The following PCDHA4 variants were observed in gnomAD, a reference collection of about 807,000 sequenced individuals.
The protein encoded by PCDHA4 is protocadherin alpha-4.
A neutral mutation model predicts 61.4 loss-of-function variants in PCDHA4; 49 were observed. The ratio of observed to expected loss-of-function variants is 0.80; its 90% confidence interval spans 0.63 to 1.01. The LOEUF is 1.01. PCDHA4 is among the 50% of genes least tolerant of loss of function. The pLI is 0.00. For synonymous variants in PCDHA4, 590 were observed against 550.3 expected (o/e 1.07, Z -1.01); for missense variants, 1,254 against 1,235.8 (o/e 1.01, Z -0.22).
intron 1 of PCDHA4, chr5:140,816,920 G>A (rs1453114177): frequency 3.9e-5 from 6 of 152,042 alleles, no homozygotes; most frequent in African/African-American, 1.2e-4. Context: ...TATAGATTCT[G>A]CTGAATCCTA....
intron 1 of PCDHA4, chr5:140,967,982 G>T (rs1563372383): frequency 1.9e-6 from 3 of 1,614,224 alleles, no homozygotes; most frequent in Non-Finnish European, 2.5e-6. Context: ...GGGTCTGGAG[G>T]CCACACTGCC....
At chr5:140,850,964 C>T in intron 1 of PCDHA4, 2 of 1,468,876 alleles carry the variant, frequency 1.4e-6, no homozygotes, top group Non-Finnish European at 1.8e-6. Flanking sequence ...TCCCAGGGGC[C>T]GTTCAAATAG....
intron 1 of PCDHA4, chr5:140,928,243 G>A: frequency 6.2e-7 from 1 of 1,614,202 alleles, no homozygotes; most frequent in South Asian, 1.1e-5. Flanking sequence ...ACCCCAGCAG[G>A]AACTTTTCGT....
intron 2 of PCDHA4, 83 bp from the exon 3 acceptor site, chr5:140,982,392 T>C: frequency 6.3e-7 from 1 of 1,598,158 alleles, no homozygotes. Context: ...GGCTTCATAG[T>C]TGTAAGCAAT....
At chr5:140,813,486 C>A (rs2126646762) in intron 1 of PCDHA4, 1 of 152,128 alleles carries the variant, frequency 6.6e-6, no homozygotes, top group Non-Finnish European at 1.5e-5. Context: ...TATATCTAAA[C>A]ATCTAAAAGG....
rs193129915 is a variant in PCDHA4 at position 140,907,396 on chromosome 5, T to C, written c.2386-71553T>C. On this transcript the variant is annotated intron_variant, in intron 1 of 3. Coordinates refer to ENST00000530339, the MANE Select transcript of PCDHA4 (RefSeq NM_018907.4). The stretch of plus-strand genomic sequence containing the variant: ...TGAGTGCCTTGGTCAAAGGCAATGC[T>C]GTGTGGAATACCACGATGGTGGATA... Among the ~76,000 whole-genome samples, 1,220 of 152,314 alleles carry C rather than the reference T, an allele frequency of 8.0e-3. 6 individuals are homozygous for C. Among genetic ancestry groups the C allele is most frequent in the African/African-American group, 0.019 (787 of 41,564 alleles).
intron 1 of PCDHA4, chr5:140,843,724 A>G: frequency 6.4e-7 from 1 of 1,561,476 alleles, no homozygotes; most frequent in East Asian, 2.2e-5. Context: ...AAGTAAGTCC[A>G]TTTAAATTTA....
At chr5:140,926,268 T>A (rs1166651492) in intron 1 of PCDHA4, 1 of 152,208 alleles carries the variant, frequency 6.6e-6, no homozygotes, top group Non-Finnish European at 1.5e-5. Context: ...TCTCGCCGCC[T>A]CCGCTCGGCA....
chr5:140,964,167 C>G (rs370784169), intron 1 of PCDHA4, among the ~76,000 whole-genome samples: 1 of 152,134 alleles, frequency 6.6e-6, no homozygotes, highest in Non-Finnish European at 1.5e-5. Flanking sequence ...GTGTGAGGAA[C>G]GAAATCATTA....
intron 1 of PCDHA4, chr5:140,858,421 G>A (rs782781172): frequency 1.3e-6 from 2 of 1,557,082 alleles, no homozygotes; most frequent in Non-Finnish European, 1.7e-6. Flanking sequence ...CTATTGGAGG[G>A]GACCACTCTA....
At chr5:140,867,783 G>A (rs1426151534) in intron 1 of PCDHA4, 1 of 152,002 alleles carries the variant, frequency 6.6e-6, no homozygotes, top group Non-Finnish European at 1.5e-5. Flanking sequence ...AGCAATTCCT[G>A]TATTTTACTT....
chr5:140,861,631 C>G (rs960525062), intron 1 of PCDHA4: 2 of 314,942 alleles, frequency 6.4e-6, no homozygotes, highest in Admixed American at 7.0e-5. Flanking sequence ...GTGTTCTCAG[C>G]AACACAAAAG....
intron 1 of PCDHA4, chr5:140,810,623 A>C (rs1474517049): frequency 6.6e-6 from 1 of 152,124 alleles, no homozygotes; most frequent in South Asian, 2.1e-4. Flanking sequence ...TATTTTGTGC[A>C]ATAGCTGCTC....
At chr5:140,830,934 C>A in intron 1 of PCDHA4, 1 of 152,356 alleles carries the variant, frequency 6.6e-6, no homozygotes, top group Admixed American at 6.5e-5. Context: ...TCTGTCGACA[C>A]TTTTATTAAG....
At chr5:140,909,850 C>T (rs181576128) in intron 1 of PCDHA4, among the ~76,000 whole-genome samples, 30 of 152,294 alleles carry the variant, frequency 2.0e-4, no homozygotes, top group Admixed American at 5.9e-4. Flanking sequence ...AGGACGTTTT[C>T]GGTCCCCTGG....
chr5:140,983,518 C>T (rs1417635641), intron 3 of PCDHA4, among the ~76,000 whole-genome samples: 1 of 152,130 alleles, frequency 6.6e-6, no homozygotes, highest in African/African-American at 2.4e-5. Context: ...AGACACTGTG[C>T]CAAGTACATT....
At chr5:140,884,410 G>A (rs1562804321) in intron 1 of PCDHA4, 1 of 1,614,004 alleles carries the variant, frequency 6.2e-7, no homozygotes, top group Non-Finnish European at 8.5e-7. Context: ...TGGTGCTCAC[G>A]TTGCTGCTGT....
intron 1 of PCDHA4, among the ~76,000 whole-genome samples, chr5:140,893,163 T>C (rs557235731): frequency 6.6e-6 from 1 of 152,354 alleles, no homozygotes; most frequent in African/African-American, 2.4e-5. Flanking sequence ...GATATTGAGG[T>C]TGATTCCACA....
intron 1 of PCDHA4, among the ~76,000 whole-genome samples, chr5:140,964,896 G>A (rs868917865): frequency 6.6e-6 from 1 of 152,170 alleles, no homozygotes. Context: ...TAGGAGGCTG[G>A]GCGCTTCTCT....
Sources: allele counts gnomAD v4.1 joint callset (sites outside exome capture counted in the v4.1 genomes callset), GRCh38; gene constraint gnomAD v4.1.1; transcripts MANE v1.5; gene names NCBI Gene and HGNC (gene_info 2026-07-23, HGNC 2026-07-21).